The following THSD7B variants were observed in gnomAD, a reference collection of about 807,000 sequenced individuals.
THSD7B encodes thrombospondin type-1 domain-containing protein 7B.
A neutral mutation model predicts 213.6 loss-of-function variants in THSD7B; 138 were observed. The ratio of observed to expected loss-of-function variants is 0.65; its 90% CI spans 0.56 to 0.74. The LOEUF (loss-of-function observed/expected upper bound fraction) is 0.74, where lower values mean the gene tolerates loss of function less well. Among genes scored for constraint, THSD7B ranks in the 30% least tolerant of loss-of-function variants. THSD7B has a pLI of 0.00. For missense variants in THSD7B, 1,931 were observed against 1,991.5 expected, an observed-to-expected ratio of 0.97 and a Z score of 0.58; for synonymous variants, 742 against 687.0, an observed-to-expected ratio of 1.08 and a Z score of -1.25.
chr2:137,160,191 C>A, intron 5 of THSD7B, 22 bp from the exon 6 acceptor site: 1 of 1,603,510 alleles, frequency 6.2e-7, no homozygotes, highest in Non-Finnish European at 8.5e-7. Flanking sequence ...GTGACATGGT[C>A]CGTTATCTTT....
intron 12 of THSD7B, among the ~76,000 whole-genome samples, chr2:137,278,631 A>T (rs1332118104): frequency 1.3e-5 from 2 of 152,060 alleles, no homozygotes; most frequent in African/African-American, 4.8e-5. Context: ...AAGGGAGGGG[A>T]AATTCATGGA....
intron 2 of THSD7B, among the ~76,000 whole-genome samples, chr2:136,940,381 G>C (rs898674966): frequency 1.3e-5 from 2 of 152,008 alleles, no homozygotes; most frequent in African/African-American, 2.4e-5. Flanking sequence ...CATGGTATAT[G>C]TATACCACAT....
At chr2:137,249,565 A>G (rs1682122708) in intron 10 of THSD7B, among the ~76,000 whole-genome samples, 1 of 152,196 alleles carries the variant, frequency 6.6e-6, no homozygotes, top group African/African-American at 2.4e-5. Context: ...TATATTTAGA[A>G]AGACCTGAAA....
chr2:136,807,115 T>C (rs1682296127), intron 1 of THSD7B, among the ~76,000 whole-genome samples: 1 of 152,188 alleles, frequency 6.6e-6, no homozygotes, highest in African/African-American at 2.4e-5. Context: ...GGGAGGCTTC[T>C]TCATTGCACA....
chr2:137,075,348 G>T (rs900745816), intron 3 of THSD7B, among the ~76,000 whole-genome samples: 3 of 151,822 alleles, frequency 2.0e-5, no homozygotes, highest in Admixed American at 1.3e-4. Flanking sequence ...GTCTTCCATC[G>T]CTGGTACTCT....
In THSD7B at chr2:137,056,638, G is replaced by T. The variant is rs760019674; in HGVS notation, c.358G>T (p.Ala120Ser). 1.2e-6 allele frequency: 2 copies of T among 1,613,798 alleles called. 1 individual carries two copies. The highest frequency in any genetic ancestry group is 4.5e-5 in the East Asian group (2 of 44,872). The change falls in exon 3 of 28, where the codon GCT becomes TCT. Residue 120 changes from alanine to serine, a missense_variant. By Grantham distance (99) the Ala-to-Ser change is moderately conservative (BLOSUM62 1). Transcript: ENST00000409968. ...DWHHCVLVPY[A>S]RGEVKPRTAE... is the part of the protein sequence containing the mutation. The stretch of plus-strand genomic sequence containing the variant: ...GCACCACTGTGTGCTTGTTCCTTAC[G>T]CTCGCGGTGAAGTCAAGCCTCGGAC...
intron 15 of THSD7B, among the ~76,000 whole-genome samples, chr2:137,534,695 C>T (rs528819354): frequency 6.6e-6 from 1 of 151,698 alleles, no homozygotes; most frequent in South Asian, 2.1e-4. Flanking sequence ...TATGTCAAAA[C>T]AGACACATAA....
chr2:136,962,108 G>A (rs552456819), intron 2 of THSD7B, among the ~76,000 whole-genome samples: 8 of 152,320 alleles, frequency 5.3e-5, no homozygotes, highest in African/African-American at 7.2e-5. Context: ...CATCATATTT[G>A]CATCTGGAGA....
intron 7 of THSD7B, among the ~76,000 whole-genome samples, chr2:137,209,465 T>C (rs1255694096): frequency 1.3e-5 from 2 of 152,036 alleles, no homozygotes; most frequent in African/African-American, 2.4e-5. Context: ...GGTGCCAGAT[T>C]TGTGAAACAC....
chr2:137,052,480 C>A (rs16837956), intron 2 of THSD7B, among the ~76,000 whole-genome samples: 25,651 of 151,774 alleles, frequency 0.17, 2,973 homozygotes, highest in African/African-American at 0.32. Context: ...AAATTCTTGA[C>A]ATTTAAAAAC....
intron 2 of THSD7B, among the ~76,000 whole-genome samples, chr2:137,031,847 T>TC (rs1385444519): frequency 1.1e-4 from 17 of 149,892 alleles, no homozygotes; most frequent in Non-Finnish European, 2.4e-4. Flanking sequence ...TTTTTTTTTT[T>TC]AGCTGGGGGT....
chr2:137,511,589 T>G (rs1679962230), intron 15 of THSD7B, among the ~76,000 whole-genome samples: 1 of 152,150 alleles, frequency 6.6e-6, no homozygotes, highest in African/African-American at 2.4e-5. Context: ...CTTGTAGAGT[T>G]TCAGGGTCAG....
At chr2:137,286,987 ATACT>A (rs1437126861) in intron 12 of THSD7B, among the ~76,000 whole-genome samples, 1 of 152,176 alleles carries the variant, frequency 6.6e-6, no homozygotes, top group Non-Finnish European at 1.5e-5. Context: ...CAACAGGCAA[ATACT>A]TATTTAACCA....
intron 12 of THSD7B, among the ~76,000 whole-genome samples, chr2:137,359,926 A>G (rs954968171): frequency 6.6e-6 from 1 of 152,214 alleles, no homozygotes; most frequent in Non-Finnish European, 1.5e-5. Flanking sequence ...AAGCAAATCA[A>G]TGAATAAGTA....
intron 16 of THSD7B, among the ~76,000 whole-genome samples, chr2:137,567,988 T>C (rs973081768): frequency 6.6e-6 from 1 of 151,912 alleles, no homozygotes; most frequent in Non-Finnish European, 1.5e-5. Context: ...AGAAAAAAAC[T>C]GGAATAGAAG....
intron 14 of THSD7B, among the ~76,000 whole-genome samples, chr2:137,416,326 C>G (rs1281944849): frequency 6.6e-6 from 1 of 152,172 alleles, no homozygotes. Context: ...TCGAGGACTT[C>G]CATGAGGATG....
chr2:137,325,394 C>T (rs1466192277), intron 12 of THSD7B, among the ~76,000 whole-genome samples: 2 of 152,134 alleles, frequency 1.3e-5, no homozygotes, highest in South Asian at 2.1e-4. Flanking sequence ...AATCTCAGTA[C>T]CCAACAGAAT....
intron 1 of THSD7B, among the ~76,000 whole-genome samples, chr2:136,840,981 C>T (rs1682911297): frequency 6.6e-6 from 1 of 152,090 alleles, no homozygotes; most frequent in Non-Finnish European, 1.5e-5. Flanking sequence ...TATTTAATAT[C>T]AAGAAGAGCT....
intron 1 of THSD7B, among the ~76,000 whole-genome samples, chr2:136,815,721 T>C (rs1682458369): frequency 6.6e-6 from 1 of 152,032 alleles, no homozygotes; most frequent in Non-Finnish European, 1.5e-5. Context: ...TGGCCAAAGT[T>C]TGGAAAACAA....
Sources: gnomAD v4.1 joint callset for allele counts (sites outside exome capture counted in the v4.1 genomes callset) on GRCh38, gnomAD v4.1.1 for gene constraint, MANE v1.5 for transcripts, NCBI Gene and HGNC (gene_info 2026-07-23, HGNC 2026-07-21) for gene names.